The following COPS5 variants were observed in gnomAD, a reference collection of about 807,000 sequenced individuals.
COPS5 encodes COP9 signalosome complex subunit 5.
Under a neutral mutation model 44.4 loss-of-function variants are expected in COPS5, and 8 were observed. The ratio of observed to expected loss-of-function variants is 0.18; its 90% CI spans 0.11 to 0.32. The LOEUF is 0.32. Ranked by LOEUF, COPS5 falls within the 10% of genes least tolerant of loss-of-function variation. COPS5 has a pLI of 1.00. For missense variants in COPS5, 159 were observed against 406.4 expected, an observed-to-expected ratio of 0.39 and a Z score of 5.23; for synonymous variants, 122 against 142.8, an observed-to-expected ratio of 0.85 and a Z score of 1.04.
At chr8:67,059,740 T>A (rs1385820179) in intron 1 of COPS5, 1 of 314,466 alleles carries the variant, frequency 3.2e-6, no homozygotes, top group African/African-American at 2.1e-5. Flanking sequence ...CTCCATTAAT[T>A]TGGAATCACC....
chr8:67,055,402 C>T (rs563137696), intron 5 of COPS5, among the ~76,000 whole-genome samples: 4 of 152,146 alleles, frequency 2.6e-5, no homozygotes, highest in East Asian at 3.9e-4. Context: ...TAGAAAGACT[C>T]GCCGGAAGGC....
At chr8:67,045,017 G>A (rs1181021921) in intron 7 of COPS5, 2 of 152,118 alleles carry the variant, frequency 1.3e-5, no homozygotes, top group Non-Finnish European at 2.9e-5. Context: ...TCCCAAATTT[G>A]TTCCTAATAA....
chr8:67,054,998 A>C (rs1356220732), intron 5 of COPS5, among the ~76,000 whole-genome samples: 1 of 152,234 alleles, frequency 6.6e-6, no homozygotes, highest in East Asian at 1.9e-4. Flanking sequence ...GATCATGCCT[A>C]ATGAACTAAT....
intron 6 of COPS5, among the ~76,000 whole-genome samples, chr8:67,048,157 T>C (rs1816722744): frequency 1.3e-5 from 2 of 151,736 alleles, no homozygotes; most frequent in Non-Finnish European, 2.9e-5. Context: ...GTACATCCTG[T>C]AGTCAGGAGG....
At chr8:67,057,140 C>A (rs1804525764) in intron 4 of COPS5, among the ~76,000 whole-genome samples, 1 of 152,058 alleles carries the variant, frequency 6.6e-6, no homozygotes, top group African/African-American at 2.4e-5. Flanking sequence ...GTTTTAATAA[C>A]AAGAGATATT....
At chr8:67,054,712 G>A (rs1450265998) in intron 5 of COPS5, among the ~76,000 whole-genome samples, 3 of 152,218 alleles carry the variant, frequency 2.0e-5, no homozygotes, top group Admixed American at 2.0e-4. Flanking sequence ...TAGCACATGG[G>A]TAGCCAAAGT....
chr8:67,043,453 G>C, intron 7 of COPS5, 136 bp from the exon 8 acceptor site: 1 of 520,526 alleles, frequency 1.9e-6, no homozygotes, highest in East Asian at 3.3e-5. Context: ...CCAATCTGAA[G>C]TTTTCCCTTG....
At chr8:67,060,946 A>G (rs992913968) in intron 1 of COPS5, 1 of 164,486 alleles carries the variant, frequency 6.1e-6, no homozygotes, top group African/African-American at 2.4e-5. Flanking sequence ...AGACAAGGCT[A>G]GCCTTGTAAA....
At chr8:67,050,001 CTTTT>C (rs548690353) in intron 6 of COPS5, among the ~76,000 whole-genome samples, 6 of 138,696 alleles carry the variant, frequency 4.3e-5, no homozygotes, top group African/African-American at 1.3e-4. Flanking sequence ...GTGATACTCT[CTTTT>C]TTTTTTTTTT....
Position 67,059,408 on chromosome 8 carries a change from C to A in COPS5, c.181G>T (p.Ala61Ser). ...YFKYCKISALALLKMVMHARS... is the reference protein window; with the variant it reads ...YFKYCKISALSLLKMVMHARS... ...GCATGCATCACCATCTTCAGCAGAG[C>A]CAATGCTGAGATTTTGCAGTACTTA... The change falls in exon 2 of 8, where the codon GCT (alanine) becomes TCT (serine). Residue 61 changes from alanine to serine, a missense_variant. Physicochemically the swap from Ala to Ser is moderately conservative, Grantham distance 99 (BLOSUM62 1). Transcript: ENST00000357849. The A allele has an allele frequency of 1.2e-6, 2 of 1,613,938 alleles. No individual in the cohort carries two copies. The highest frequency in any genetic ancestry group is 2.2e-5 in the South Asian group (2 of 91,080).
intron 5 of COPS5, among the ~76,000 whole-genome samples, chr8:67,053,813 T>C (rs1033144622): frequency 6.6e-6 from 1 of 151,892 alleles, no homozygotes; most frequent in Non-Finnish European, 1.5e-5. Context: ...GAGACCATCC[T>C]GGCTAAGACG....
chr8:67,061,298 T>C (rs1804614394), intron 1 of COPS5: 1 of 375,644 alleles, frequency 2.7e-6, no homozygotes, highest in Admixed American at 3.7e-5. Flanking sequence ...TTACCAGCAA[T>C]CAAAAAACTA....
intron 6 of COPS5, among the ~76,000 whole-genome samples, chr8:67,048,295 T>C (rs572746540): frequency 3.1e-4 from 43 of 140,316 alleles, no homozygotes; most frequent in African/African-American, 1.1e-3. Context: ...ATAAAATAAA[T>C]AAAGTAAAAT....
chr8:67,050,290 C>G (rs975582755), intron 6 of COPS5, among the ~76,000 whole-genome samples: 1 of 152,180 alleles, frequency 6.6e-6, no homozygotes, highest in African/African-American at 2.4e-5. Context: ...CGTAAGCCAC[C>G]GCGCCCGGCC....
At chr8:67,047,387 TC>T (rs1563444071) in intron 6 of COPS5, among the ~76,000 whole-genome samples, 1 of 152,184 alleles carries the variant, frequency 6.6e-6, no homozygotes, top group Non-Finnish European at 1.5e-5. Context: ...TGTATTTTCC[TC>T]CCACAGACTT....
At chr8:67,053,103 T>C (rs930561357) in intron 5 of COPS5, among the ~76,000 whole-genome samples, 5 of 151,908 alleles carry the variant, frequency 3.3e-5, no homozygotes, top group Non-Finnish European at 5.9e-5. Context: ...CAGAATGCTT[T>C]TTCTGAGCCG....
rs529882492 is a variant in COPS5 at position 67,053,786 on chromosome 8, C to T, written c.660-2445G>A. On this transcript the variant is annotated intron_variant, in intron 5 of 7. Transcript: ENST00000357849. ...CTTTGGGAGGCTGAGGCGGGCAGAT[C>T]ACGAGGTCATGAGATTGAGACCATC... is the stretch of plus-strand genomic sequence containing the variant. Among the ~76,000 whole-genome samples, 3 of 151,990 alleles carry T rather than the reference C, an allele frequency of 2.0e-5. No individual in the cohort carries two copies. In the South Asian group the frequency reaches 6.2e-4, roughly 32 times the overall value.
intron 6 of COPS5, among the ~76,000 whole-genome samples, chr8:67,049,645 T>G (rs765664224): frequency 1.3e-5 from 2 of 152,190 alleles, no homozygotes; most frequent in Non-Finnish European, 2.9e-5. Flanking sequence ...CAACAACTAC[T>G]GTTGCTTGCA....
At chr8:67,058,298 C>T in intron 2 of COPS5, 87 bp from the exon 3 acceptor site, 1 of 1,327,036 alleles carries the variant, frequency 7.5e-7, no homozygotes, top group Non-Finnish European at 1.0e-6. Flanking sequence ...CAGTCTCCTT[C>T]CCATCTCCTT....
Sources: allele counts gnomAD v4.1 joint callset (sites outside exome capture counted in the v4.1 genomes callset), GRCh38; gene constraint gnomAD v4.1.1; transcripts MANE v1.5; gene names NCBI Gene and HGNC (gene_info 2026-07-23, HGNC 2026-07-21).